SCAPER: variants seen among roughly 807,000 people sequenced by gnomAD.
SCAPER encodes S phase cyclin A-associated protein in the endoplasmic reticulum.
In SCAPER, 98 loss-of-function variants were observed where a neutral mutation model predicts 182.2. The ratio of observed to expected loss-of-function variants is 0.54; its 90% CI spans 0.46 to 0.64. The LOEUF is 0.64. Among genes scored for constraint, SCAPER ranks in the 30% least tolerant of loss-of-function variants. The pLI is 0.00. For missense variants in SCAPER, 1,432 were observed against 1,690.0 expected (o/e 0.85, Z 2.68); for synonymous variants, 605 against 564.6 (o/e 1.07, Z -1.01).
chr15:76,831,588 A>C (rs1598976541), intron 5 of SCAPER, among the ~76,000 whole-genome samples: 1 of 113,974 alleles, frequency 8.8e-6, no homozygotes, highest in African/African-American at 3.5e-5. Flanking sequence ...GGCATCCCCC[A>C]CCACCCTACT....
intron 16 of SCAPER, 143 bp from the exon 17 acceptor site, chr15:76,728,880 T>TACATCA: frequency 1.2e-6 from 1 of 837,142 alleles, no homozygotes; most frequent in Non-Finnish European, 1.8e-6. Context: ...TTCTTAAAGT[T>TACATCA]TAAACAAAAA....
chr15:76,513,007 T>C (rs2042165159), intron 23 of SCAPER, among the ~76,000 whole-genome samples: 1 of 152,198 alleles, frequency 6.6e-6, no homozygotes, highest in East Asian at 1.9e-4. Context: ...CTCTCTTCCA[T>C]GGAGCATGGC....
intron 8 of SCAPER, among the ~76,000 whole-genome samples, chr15:76,775,334 AT>A (rs2063685982): frequency 6.6e-6 from 1 of 152,136 alleles, no homozygotes; most frequent in African/African-American, 2.4e-5. Context: ...TGAAATTCAG[AT>A]TAAGGCTGAC....
chr15:76,898,617 G>A (rs749014869), intron 1 of SCAPER, among the ~76,000 whole-genome samples: 14 of 152,180 alleles, frequency 9.2e-5, no homozygotes, highest in South Asian at 2.1e-4. Context: ...AAAACATTAC[G>A]TTAAATGGAA....
chr15:76,766,791 A>T, intron 11 of SCAPER, 127 bp downstream of exon 11: 1 of 729,136 alleles, frequency 1.4e-6, no homozygotes, highest in African/African-American at 1.8e-5. Flanking sequence ...AGTTATGATT[A>T]CTGAACATGA....
At chr15:76,716,590 G>A (rs1367517329) in intron 17 of SCAPER, among the ~76,000 whole-genome samples, 1 of 151,916 alleles carries the variant, frequency 6.6e-6, no homozygotes, top group Non-Finnish European at 1.5e-5. Flanking sequence ...TGATCTGAAT[G>A]AGAAATTCAA....
At chr15:76,824,728 T>TA (rs71143367) in intron 5 of SCAPER, among the ~76,000 whole-genome samples, 13 of 152,200 alleles carry the variant, frequency 8.5e-5, no homozygotes, top group East Asian at 3.9e-4. Context: ...CTCATTTTTT[T>TA]AAAATATCTC....
At chr15:76,763,956 A>C (rs2062952992) in intron 14 of SCAPER, among the ~76,000 whole-genome samples, 1 of 144,430 alleles carries the variant, frequency 6.9e-6, no homozygotes, top group South Asian at 2.3e-4. Context: ...ATGGATCTTC[A>C]TTTGTTTGGG....
At chr15:76,845,908 A>G (rs1207075929) in intron 4 of SCAPER, among the ~76,000 whole-genome samples, 5 of 152,174 alleles carry the variant, frequency 3.3e-5, no homozygotes, top group Non-Finnish European at 7.4e-5. Context: ...CGAAAAGAAC[A>G]AAACTAGAGG....
At chr15:76,819,964 T>C (rs2067395282) in intron 5 of SCAPER, among the ~76,000 whole-genome samples, 1 of 152,204 alleles carries the variant, frequency 6.6e-6, no homozygotes, top group South Asian at 2.1e-4. Flanking sequence ...AAGACATTTA[T>C]GCAGCCAAAA....
At chr15:76,383,086 GT>G (rs1427993859) in intron 27 of SCAPER, among the ~76,000 whole-genome samples, 3 of 3,514 alleles carry the variant, frequency 8.5e-4, no homozygotes, top group Non-Finnish European at 6.8e-3. Context: ...GTGTGTATAG[GT>G]GTGTGTGTGT....
intron 29 of SCAPER, among the ~76,000 whole-genome samples, chr15:76,355,615 C>A (rs1012272625): frequency 6.6e-6 from 1 of 151,908 alleles, no homozygotes; most frequent in Non-Finnish European, 1.5e-5. Context: ...ATTGTTAAAA[C>A]GCTATTATTG....
chr15:76,694,156 A>G (rs2058527488), intron 20 of SCAPER, among the ~76,000 whole-genome samples: 1 of 151,860 alleles, frequency 6.6e-6, no homozygotes. Flanking sequence ...GATGGGGATT[A>G]CATTGAATCT....
At chr15:76,423,651 C>T (rs928934536) in intron 26 of SCAPER, among the ~76,000 whole-genome samples, 3 of 151,990 alleles carry the variant, frequency 2.0e-5, no homozygotes, top group Non-Finnish European at 4.4e-5. Flanking sequence ...TTATTTCTTG[C>T]CTTCTGCTAG....
intron 17 of SCAPER, among the ~76,000 whole-genome samples, chr15:76,715,805 A>C (rs1240250341): frequency 6.6e-6 from 1 of 152,120 alleles, no homozygotes; most frequent in Non-Finnish European, 1.5e-5. Context: ...GGTCAGAAGC[A>C]TGCCTACATC....
intron 26 of SCAPER, among the ~76,000 whole-genome samples, chr15:76,427,233 T>TA (rs2046501027): frequency 6.6e-6 from 1 of 152,086 alleles, no homozygotes; most frequent in Non-Finnish European, 1.5e-5. Context: ...TATATCAAAC[T>TA]AAAATGCTTT....
intron 29 of SCAPER, among the ~76,000 whole-genome samples, chr15:76,370,274 T>C (rs182708681): frequency 0.033 from 4,873 of 146,718 alleles, 117 homozygotes; most frequent in Middle Eastern, 0.09. Context: ...ATGTATAACA[T>C]ATAATTTACC....
intron 22 of SCAPER, among the ~76,000 whole-genome samples, chr15:76,581,781 T>C (rs2048293625): frequency 6.6e-6 from 1 of 152,002 alleles, no homozygotes; most frequent in African/African-American, 2.4e-5. Flanking sequence ...ATAAGGGGTT[T>C]CACCATGTTG....
chr15:76,521,181 GA>G (rs1170891318), intron 23 of SCAPER, among the ~76,000 whole-genome samples: 1 of 152,114 alleles, frequency 6.6e-6, no homozygotes, highest in African/African-American at 2.4e-5. Flanking sequence ...AATACTATTA[GA>G]TGAGACAAAG....
Sources: gnomAD v4.1 joint callset for allele counts (sites outside exome capture counted in the v4.1 genomes callset) on GRCh38, gnomAD v4.1.1 for gene constraint, MANE v1.5 for transcripts, NCBI Gene and HGNC (gene_info 2026-07-23, HGNC 2026-07-21) for gene names.